TMEM33: variants seen among roughly 807,000 people sequenced by gnomAD.
The protein encoded by TMEM33 is transmembrane protein 33.
A neutral mutation model predicts 29.7 loss-of-function variants in TMEM33; 16 were observed. The observed-to-expected ratio is 0.54, with a 90% confidence interval of 0.36 to 0.82. TMEM33 has a LOEUF of 0.82. Among genes scored for constraint, TMEM33 ranks in the 40% least tolerant of loss-of-function variants. The probability of loss-of-function intolerance (pLI) is 0.00; values close to 1 mark genes in which losing one functional copy is unlikely to be tolerated. For missense variants in TMEM33, 252 were observed against 295.3 expected, an observed-to-expected ratio of 0.85 and a Z score of 1.08; for synonymous variants, 112 against 109.4, an observed-to-expected ratio of 1.02 and a Z score of -0.15.
intron 5 of TMEM33, among the ~76,000 whole-genome samples, chr4:41,947,002 C>T (rs1330113471): frequency 1.3e-5 from 2 of 152,042 alleles, no homozygotes; most frequent in East Asian, 3.9e-4. Flanking sequence ...CTTTGGGAAG[C>T]CAAAGCTGGC....
At chr4:41,938,073 A>G (rs1370165050) in intron 1 of TMEM33, among the ~76,000 whole-genome samples, 2 of 152,228 alleles carry the variant, frequency 1.3e-5, no homozygotes, top group African/African-American at 2.4e-5. Context: ...TGTTACTACT[A>G]TCATGGTTTT....
chr4:41,937,306 C>G (rs894783933), intron 1 of TMEM33, among the ~76,000 whole-genome samples: 2 of 152,190 alleles, frequency 1.3e-5, no homozygotes, highest in Non-Finnish European at 2.9e-5. Flanking sequence ...AAGCTGGATT[C>G]ATCCTTCACT....
At chr4:41,941,171 A>C (rs960130039) in intron 3 of TMEM33, among the ~76,000 whole-genome samples, 1 of 152,218 alleles carries the variant, frequency 6.6e-6, no homozygotes, top group Admixed American at 6.5e-5. Flanking sequence ...GTTTCAATGC[A>C]TGAGTCTGTA....
chr4:41,949,906 A>G (rs1205358764), intron 6 of TMEM33, among the ~76,000 whole-genome samples: 1 of 152,156 alleles, frequency 6.6e-6, no homozygotes, highest in Non-Finnish European at 1.5e-5. Flanking sequence ...GGGGCAAGAG[A>G]GACGAGAAGC....
intron 2 of TMEM33, 66 bp from the exon 3 acceptor site, chr4:41,939,130 A>G (rs1712391522): frequency 6.8e-7 from 1 of 1,462,142 alleles, no homozygotes; most frequent in African/African-American, 1.4e-5. Context: ...GATGCAATTC[A>G]CAAAGGAGGA....
In TMEM33 at chr4:41,957,659, A is replaced by G. The variant is rs1460118802; in HGVS notation, c.*3460A>G. The G allele has an allele frequency of 3.9e-5, 6 of 151,978 alleles. No homozygotes were observed. Among genetic ancestry groups the G allele is most frequent in the African/African-American group, 1.5e-4 (6 of 41,344 alleles). 9.4% of individuals were successfully genotyped at this position (151,978 alleles called of 1,614,324 possible). ...TAATTTTGAGAGATTGAGGTAAAGA[A>G]CCTTAACTAATGCTAAGGAGTTTAT... On this transcript the variant is annotated 3_prime_UTR_variant, in exon 7 of 7. Coordinates refer to ENST00000504986, the MANE Select transcript of TMEM33 (RefSeq NM_018126.3).
In TMEM33 at chr4:41,954,852, T is replaced by C. The variant is rs1468718742; in HGVS notation, c.*653T>C. 3.3e-5 allele frequency: 5 copies of C among 152,476 alleles called. No individual in the cohort carries two copies. Among genetic ancestry groups the C allele is most frequent in the African/African-American group, 7.2e-5 (3 of 41,450 alleles). 9.4% of individuals were successfully genotyped at this position (152,476 alleles called of 1,614,324 possible). A position where few individuals can be genotyped will look rare whatever the true frequency, so the allele number is the denominator to read the frequency against. On this transcript the variant is annotated 3_prime_UTR_variant, in exon 7 of 7. Transcript: ENST00000504986. ...GCTCAACTGTAAGCCTCTTAGCCAG[T>C]TGGATAAATATTTGGGGTCACCTAG... is the stretch of plus-strand genomic sequence containing the variant.
chr4:41,940,868 ATTG>A (rs1316929122), intron 3 of TMEM33, among the ~76,000 whole-genome samples: 1 of 151,890 alleles, frequency 6.6e-6, no homozygotes, highest in East Asian at 1.9e-4. Flanking sequence ...TCTGAAAAAA[ATTG>A]TTGTGGTATA....
chr4:41,939,227 G>A lies in TMEM33; in HGVS notation c.172G>A (p.Ala58Thr), dbSNP rs200546509. The A allele has an allele frequency of 4.4e-6, 7 of 1,604,272 alleles. No homozygotes were observed. In the East Asian group the frequency reaches 1.3e-4, roughly 31 times the overall value. Reference sequence around the variant, plus strand: ...TGAAGCAGCAAGCTTTTACCAACGTGCTTTGCTGGCAAATGCTCTTACCAG... The same window carrying A: ...TGAAGCAGCAAGCTTTTACCAACGTACTTTGCTGGCAAATGCTCTTACCAG... Reference protein sequence around the residue: ...LHEAASFYQRALLANALTSAL... With the variant: ...LHEAASFYQRTLLANALTSAL... The change falls in exon 3 of 7, where the codon GCT becomes ACT. Residue 58 changes from alanine (A) to threonine (T), a missense_variant. By Grantham distance (58) the Ala-to-Thr change is moderately conservative (BLOSUM62 0). Transcript: ENST00000504986.
chr4:41,949,436 A>C, intron 6 of TMEM33, 51 bp downstream of exon 6: 2 of 1,398,774 alleles, frequency 1.4e-6, no homozygotes, highest in Non-Finnish European at 2.0e-6. Context: ...AGTATTGTGA[A>C]TATATAGTAT....
In TMEM33 at chr4:41,939,315, C is replaced by G. The variant is rs1246615321; in HGVS notation, c.260C>G (p.Ala87Gly). 6.2e-7 allele frequency: 1 copy of G among 1,613,876 alleles called. No homozygotes were observed. Among genetic ancestry groups the G allele is most frequent in the Non-Finnish European group, 8.5e-7 (1 of 1,179,952 alleles). Residue 87 changes from alanine to glycine, a missense_variant, in exon 3 of 7, where the codon GCT becomes GGT. Ala to Gly is a moderately conservative substitution (Grantham distance 60, BLOSUM62 0). Coordinates refer to ENST00000504986, the MANE Select transcript of TMEM33 (RefSeq NM_018126.3). Reference protein sequence around the residue: ...FQLSRAFLAQALLEDSCHYLL... With the variant: ...FQLSRAFLAQGLLEDSCHYLL... ...TTAAGCAGAGCATTCCTGGCCCAGG[C>G]TTTGTTAGAGGACAGCTGCCACTAC...
intron 5 of TMEM33, among the ~76,000 whole-genome samples, chr4:41,946,116 T>C (rs896643268): frequency 6.7e-6 from 1 of 150,350 alleles, no homozygotes; most frequent in Admixed American, 6.6e-5. Context: ...TTCCAACTTA[T>C]CTCCTGATCA....
chr4:41,958,210 C>T lies in TMEM33; in HGVS notation c.*4011C>T. 6.6e-6 allele frequency: 1 copy of T among 152,354 alleles called. No homozygotes were observed. Among genetic ancestry groups the T allele is most frequent in the Non-Finnish European group, 1.5e-5 (1 of 68,092 alleles). 9.4% of individuals were successfully genotyped at this position (152,354 alleles called of 1,614,324 possible). A position where few individuals can be genotyped will look rare whatever the true frequency, so the allele number is the denominator to read the frequency against. On this transcript the variant is annotated 3_prime_UTR_variant, in exon 7 of 7. Coordinates refer to ENST00000504986, the MANE Select transcript of TMEM33 (RefSeq NM_018126.3). ...ATTTTTAGTAGAGATGAGGTTTCAC[C>T]ATGTTGGCCAGGCTGGTCTTGAACT...
intron 5 of TMEM33, among the ~76,000 whole-genome samples, chr4:41,948,209 G>A (rs1170912573): frequency 6.6e-6 from 1 of 152,102 alleles, no homozygotes; most frequent in East Asian, 1.9e-4. Context: ...ATTATAAAGT[G>A]AGCACTATCA....
At chr4:41,936,829 A>G (rs1712261747) in intron 1 of TMEM33, among the ~76,000 whole-genome samples, 1 of 152,238 alleles carries the variant, frequency 6.6e-6, no homozygotes, top group Non-Finnish European at 1.5e-5. Context: ...CAGCATATAT[A>G]GGTACATCTA....
rs569202353 is a variant in TMEM33, at chr4:41,946,616, C to T, written c.530+1690C>T. Among the ~76,000 whole-genome samples, 13 of 152,254 alleles carry T rather than the reference C, an allele frequency of 8.5e-5. No individual in the cohort carries two copies. The South Asian group carries it at 2.7e-3, about 32-fold the overall frequency. On this transcript the variant is annotated intron_variant, in intron 5 of 6. Coordinates refer to ENST00000504986, the MANE Select transcript of TMEM33 (RefSeq NM_018126.3). ...TTGTATTTGTAAATTAACTCTAAAA[C>T]CTTGACCCTAAAATTTAATAAAAGC...
rs111321215 is a variant in TMEM33 at position 41,954,447 on chromosome 4, G to T, written c.*248G>T. 1.6e-5 allele frequency: 4 copies of T among 254,134 alleles called. No individual in the cohort carries two copies. The highest frequency in any genetic ancestry group is 2.2e-5 in the African/African-American group (1 of 44,686). 15.7% of individuals were successfully genotyped at this position (254,134 alleles called of 1,614,324 possible). On this transcript the variant is annotated 3_prime_UTR_variant, in exon 7 of 7. Transcript: ENST00000504986. ...TCTGTATCTAGTGATAAATATACCA[G>T]TTTTTTTAAAAAGATGCTGTTGTGC...
intron 3 of TMEM33, 61 bp downstream of exon 3, chr4:41,939,444 T>C: frequency 6.4e-7 from 1 of 1,558,236 alleles, no homozygotes; most frequent in Non-Finnish European, 8.7e-7. Flanking sequence ...AGATCTCTTC[T>C]GATTATTTCA....
chr4:41,939,775 C>T (rs1712431531), intron 3 of TMEM33: 3 of 456,906 alleles, frequency 6.6e-6, no homozygotes. Flanking sequence ...CCATCTTAAC[C>T]CCAGTGAACT....
Sources: allele counts gnomAD v4.1 joint callset (sites outside exome capture counted in the v4.1 genomes callset), GRCh38; gene constraint gnomAD v4.1.1; transcripts MANE v1.5; gene names NCBI Gene and HGNC (gene_info 2026-07-23, HGNC 2026-07-21).